The following MAGI2 variants were observed in gnomAD, a reference collection of about 807,000 sequenced individuals.
MAGI2 encodes the protein membrane associated guanylate kinase, WW and PDZ domain containing 2.
MAGI2 carries 35 observed loss-of-function variants against 133.3 expected under a neutral mutation model. The observed-to-expected ratio is 0.26, with a 90% CI of 0.20 to 0.35. MAGI2 has a LOEUF of 0.35. Among genes scored for constraint, MAGI2 ranks in the 10% least tolerant of loss-of-function variants. MAGI2 has a pLI of 1.00. For missense variants in MAGI2, 1,636 were observed against 1,863.4 expected, an observed-to-expected ratio of 0.88 and a Z score of 2.25; for synonymous variants, 729 against 710.6, an observed-to-expected ratio of 1.03 and a Z score of -0.41.
intron 6 of MAGI2, among the ~76,000 whole-genome samples, chr7:78,378,359 T>C (rs1039507598): frequency 6.6e-5 from 10 of 151,560 alleles, no homozygotes; most frequent in African/African-American, 2.2e-4. Flanking sequence ...CCAAGAAAAA[T>C]TTCCAGAAAT....
At chr7:79,311,700 T>C (rs1401950278) in intron 1 of MAGI2, among the ~76,000 whole-genome samples, 1 of 152,128 alleles carries the variant, frequency 6.6e-6, no homozygotes. Context: ...CAGGTTCATA[T>C]TCCCACAGTT....
chr7:78,572,671 T>C (rs925150851), intron 3 of MAGI2, among the ~76,000 whole-genome samples: 8 of 152,058 alleles, frequency 5.3e-5, no homozygotes, highest in Non-Finnish European at 1.0e-4. Context: ...TATTTATTTA[T>C]TTATTTTTGA....
intron 16 of MAGI2, among the ~76,000 whole-genome samples, chr7:78,142,607 T>C (rs1299383220): frequency 6.6e-6 from 1 of 152,222 alleles, no homozygotes; most frequent in Non-Finnish European, 1.5e-5. Context: ...CATTATTGTG[T>C]CATTGACAAA....
chr7:78,167,887 G>T lies in MAGI2; in HGVS notation c.2596+29C>A, dbSNP rs770426041. The T allele has an allele frequency of 3.6e-5, 58 of 1,591,044 alleles. No homozygotes were observed. The South Asian group carries it at 6.2e-4, about 17-fold the overall frequency. ...AAAAGCATCTTACCACCTAACCCTC[G>T]ATTCCTGCAGCAGGCTCCAGGTACA... On this transcript the variant is annotated intron_variant, in intron 15 of 21. Coordinates refer to ENST00000354212, the MANE Select transcript of MAGI2 (RefSeq NM_012301.4).
rs369357987 is a variant in MAGI2 at position 78,379,066 on chromosome 7, G to A, written c.1046-9853C>T. On this transcript the variant is annotated intron_variant, in intron 6 of 21. Coordinates refer to ENST00000354212, the MANE Select transcript of MAGI2 (RefSeq NM_012301.4). The stretch of plus-strand genomic sequence containing the variant: ...AATTAAAAGCCATCCTAAGTACCAG[G>A]GACTTATAGAAGTTATCAGTACAAA... Among the ~76,000 whole-genome samples, 132 of 151,630 alleles carry A rather than the reference G, an allele frequency of 8.7e-4. 2 individuals are homozygous for A. In the South Asian group the frequency reaches 0.027, roughly 31 times the overall value.
intron 10 of MAGI2, among the ~76,000 whole-genome samples, chr7:78,214,145 G>A (rs1379451375): frequency 6.6e-6 from 1 of 152,182 alleles, no homozygotes; most frequent in Non-Finnish European, 1.5e-5. Context: ...GTAATCCGAA[G>A]CCCACTGATT....
chr7:78,540,641 A>G (rs1280201053), intron 3 of MAGI2, among the ~76,000 whole-genome samples: 1 of 151,738 alleles, frequency 6.6e-6, no homozygotes, highest in Non-Finnish European at 1.5e-5. Flanking sequence ...CAAAATGACT[A>G]CAAAGTTCAG....
chr7:79,377,865 T>C (rs1214481600), intron 1 of MAGI2, among the ~76,000 whole-genome samples: 1 of 151,822 alleles, frequency 6.6e-6, no homozygotes, highest in African/African-American at 2.4e-5. Context: ...GTAGGTCGAA[T>C]ACAGGTCACT....
chr7:78,345,165 T>G (rs1345459058), intron 8 of MAGI2, among the ~76,000 whole-genome samples: 1 of 152,142 alleles, frequency 6.6e-6, no homozygotes, highest in Non-Finnish European at 1.5e-5. Flanking sequence ...CTTTAAAACA[T>G]AAATAAAAAC....
At chr7:78,966,859 A>G (rs1803359605) in intron 2 of MAGI2, among the ~76,000 whole-genome samples, 1 of 148,570 alleles carries the variant, frequency 6.7e-6, no homozygotes, top group Non-Finnish European at 1.5e-5. Context: ...TTTTTTAGAT[A>G]ATAGCCATCT....
chr7:78,926,469 C>T (rs899049066), intron 2 of MAGI2, among the ~76,000 whole-genome samples: 1 of 152,008 alleles, frequency 6.6e-6, no homozygotes, highest in Non-Finnish European at 1.5e-5. Flanking sequence ...ACAGAATTGC[C>T]TGTAGTTGCC....
chr7:78,515,316 A>C (rs1468553194), intron 4 of MAGI2, among the ~76,000 whole-genome samples: 1 of 152,126 alleles, frequency 6.6e-6, no homozygotes, highest in East Asian at 1.9e-4. Flanking sequence ...GCTAATTCTC[A>C]TCTCTAAGAA....
intron 1 of MAGI2, among the ~76,000 whole-genome samples, chr7:79,402,320 G>T (rs947515161): frequency 2.0e-5 from 3 of 151,956 alleles, no homozygotes; most frequent in East Asian, 1.9e-4. Flanking sequence ...ATCTACTTTG[G>T]TCCTCCCATT....
intron 3 of MAGI2, among the ~76,000 whole-genome samples, chr7:78,555,238 A>G (rs1055627287): frequency 1.3e-5 from 2 of 150,916 alleles, no homozygotes; most frequent in Non-Finnish European, 2.9e-5. Flanking sequence ...AGATAGATAG[A>G]TAGATAGATA....
At chr7:78,232,433 G>T (rs1262697110) in intron 10 of MAGI2, among the ~76,000 whole-genome samples, 1 of 152,130 alleles carries the variant, frequency 6.6e-6, no homozygotes, top group Non-Finnish European at 1.5e-5. Flanking sequence ...TGTGAGCAAG[G>T]CTATTTGGGG....
chr7:78,205,709 C>T (rs976936440), intron 10 of MAGI2, among the ~76,000 whole-genome samples: 1 of 151,942 alleles, frequency 6.6e-6, no homozygotes. Context: ...ATATAGAGAA[C>T]AATTTATATA....
intron 1 of MAGI2, among the ~76,000 whole-genome samples, chr7:79,106,811 G>A (rs1000985071): frequency 1.3e-5 from 2 of 152,086 alleles, no homozygotes; most frequent in Non-Finnish European, 2.9e-5. Flanking sequence ...TACACTTTTT[G>A]GTTTCATGTA....
intron 6 of MAGI2, among the ~76,000 whole-genome samples, chr7:78,428,234 TAGA>T (rs1799472002): frequency 6.6e-6 from 1 of 152,198 alleles, no homozygotes; most frequent in South Asian, 2.1e-4. Flanking sequence ...TAAGAGATAG[TAGA>T]AGAAGGTGGG....
chr7:78,650,660 G>A (rs569611681), intron 2 of MAGI2, among the ~76,000 whole-genome samples: 2 of 98,868 alleles, frequency 2.0e-5, no homozygotes, highest in Non-Finnish European at 4.4e-5. Context: ...CAGTTATAAT[G>A]AAAATATAAT....
Sources: gnomAD v4.1 joint callset for allele counts (sites outside exome capture counted in the v4.1 genomes callset) on GRCh38, gnomAD v4.1.1 for gene constraint, MANE v1.5 for transcripts, NCBI Gene and HGNC (gene_info 2026-07-23, HGNC 2026-07-21) for gene names.